Variants in GPRIN3 observed in about 807,000 individuals in gnomAD.
GPRIN3 encodes G protein-regulated inducer of neurite outgrowth 3.
In GPRIN3, 12 loss-of-function variants were observed where a neutral mutation model predicts 13.7. The observed-to-expected ratio is 0.87, with a 90% confidence interval of 0.56 to 1.42. The LOEUF (loss-of-function observed/expected upper bound fraction) is 1.42, where lower values mean the gene tolerates loss of function less well. Ranked by LOEUF, GPRIN3 falls within the 40% of genes most tolerant of loss-of-function variation. The probability of loss-of-function intolerance (pLI) is 0.00; values close to 1 mark genes in which losing one functional copy is unlikely to be tolerated. For missense variants in GPRIN3, 1,009 were observed against 958.7 expected, an observed-to-expected ratio of 1.05 and a Z score of -0.69; for synonymous variants, 377 against 372.7, an observed-to-expected ratio of 1.01 and a Z score of -0.13.
Position 89,244,261 on chromosome 4 carries a change from G to A in GPRIN3, c.*3519C>T, listed in dbSNP as rs938304423. 4 of 151,944 alleles carry A rather than the reference G, an allele frequency of 2.6e-5. No homozygotes were observed. The highest frequency in any genetic ancestry group is 9.7e-5 in the African/African-American group (4 of 41,370). 9.4% of individuals were successfully genotyped at this position (151,944 alleles called of 1,614,324 possible). A position where few individuals can be genotyped will look rare whatever the true frequency, so the allele number is the denominator to read the frequency against. ...TTGGTTCTGAAATCCAACCTCTAAG[G>A]TATATGTTACACATGCATATTTAGT... On this transcript the variant is annotated 3_prime_UTR_variant, in exon 2 of 2. Coordinates refer to ENST00000609438, the MANE Select transcript of GPRIN3 (RefSeq NM_198281.3).
At chr4:89,297,070 G>A (rs7671122) in intron 1 of GPRIN3, among the ~76,000 whole-genome samples, 26,320 of 152,118 alleles carry the variant, frequency 0.17, 2,453 homozygotes, top group Non-Finnish European at 0.19. Flanking sequence ...TTGAACAACT[G>A]AATTCACACA....
intron 1 of GPRIN3, among the ~76,000 whole-genome samples, chr4:89,266,844 T>C (rs927833218): frequency 5.9e-5 from 9 of 152,220 alleles, no homozygotes; most frequent in Admixed American, 5.9e-4. Context: ...ATGATACAAA[T>C]TCAAGTGTTT....
chr4:89,280,226 G>A (rs749562498), intron 1 of GPRIN3, among the ~76,000 whole-genome samples: 1 of 151,940 alleles, frequency 6.6e-6, no homozygotes, highest in African/African-American at 2.4e-5. Context: ...TATAATGTAG[G>A]CTCTATCATT....
At chr4:89,306,946 ATCT>A (rs1430890257) in intron 1 of GPRIN3, among the ~76,000 whole-genome samples, 5 of 151,902 alleles carry the variant, frequency 3.3e-5, no homozygotes, top group Admixed American at 3.3e-4. Context: ...GAGCATGAAG[ATCT>A]TCTGTGTGTG....
rs1723245966 is a variant in GPRIN3 at position 89,249,415 on chromosome 4, C to T, written c.696G>A (p.Met232Ile). Residue 232 changes from methionine to isoleucine, a missense_variant, in exon 2 of 2, where the codon ATG becomes ATA. Physicochemically the swap from Met to Ile is conservative, Grantham distance 10. Coordinates refer to ENST00000609438, the MANE Select transcript of GPRIN3 (RefSeq NM_198281.3). Reference sequence around the variant, plus strand: ...CTCTAGTTAGAGGTTTACAGGACCTCATTTCAGAGTCACAGATGGCTCCCT... The same window carrying T: ...CTCTAGTTAGAGGTTTACAGGACCTTATTTCAGAGTCACAGATGGCTCCCT... ...ERQGAICDSE[M>I]RSCKPLTRES... The T allele has an allele frequency of 1.2e-6, 2 of 1,613,996 alleles. No individual in the cohort carries two copies. The highest frequency in any genetic ancestry group is 2.7e-5 in the African/African-American group (2 of 74,904).
chr4:89,299,254 T>A (rs1280214938), intron 1 of GPRIN3, among the ~76,000 whole-genome samples: 2 of 151,956 alleles, frequency 1.3e-5, no homozygotes, highest in African/African-American at 4.8e-5. Flanking sequence ...CTCTGTTAGT[T>A]TCGATTGGTA....
intron 1 of GPRIN3, among the ~76,000 whole-genome samples, chr4:89,277,844 G>C (rs953114369): frequency 6.6e-6 from 1 of 151,754 alleles, no homozygotes; most frequent in Non-Finnish European, 1.5e-5. Context: ...TGAAATATGC[G>C]GTTCTATTGG....
At chr4:89,305,595 C>T (rs1725011907) in intron 1 of GPRIN3, among the ~76,000 whole-genome samples, 1 of 152,322 alleles carries the variant, frequency 6.6e-6, no homozygotes, top group East Asian at 1.9e-4. Flanking sequence ...CTGAGCCCAA[C>T]ATTTTATAAT....
chr4:89,248,678 T>C lies in GPRIN3; in HGVS notation c.1433A>G (p.Gln478Arg), dbSNP rs1723194174. Residue 478 changes from glutamine (Q) to arginine (R), a missense_variant, in exon 2 of 2, where the codon CAA (glutamine) becomes CGA (arginine). Physicochemically the swap from Gln to Arg is conservative, Grantham distance 43 (BLOSUM62 1). Coordinates refer to ENST00000609438, the MANE Select transcript of GPRIN3 (RefSeq NM_198281.3). ...CCCCAATCCATAACTTGTTTCAGCTTGACTGCATGCACTGATAGAAATCTG... is the reference window on the plus strand; with the variant it reads ...CCCCAATCCATAACTTGTTTCAGCTCGACTGCATGCACTGATAGAAATCTG... ...IDQISISACS[Q>R]AETSYGLGKF... 6 of 1,614,204 alleles carry C rather than the reference T, an allele frequency of 3.7e-6. No homozygotes were observed. The highest frequency in any genetic ancestry group is 2.7e-5 in the African/African-American group (2 of 75,062).
chr4:89,283,303 C>T (rs1454097241), intron 1 of GPRIN3, among the ~76,000 whole-genome samples: 3 of 152,216 alleles, frequency 2.0e-5, no homozygotes, highest in Non-Finnish European at 4.4e-5. Context: ...CAATTCCTGC[C>T]TTCAGAAGCT....
At position 89,248,239 on chromosome 4, in the gene GPRIN3, T is replaced by C. The variant is rs754447272; in HGVS notation, c.1872A>G (p.Pro624=). Residue 624 remains proline (P), a synonymous_variant, in exon 2 of 2, where the codon CCA becomes CCG. Transcript: ENST00000609438. ...DSSPGSGKKT[P]SRSVKASPRR... is the part of the protein sequence containing the mutation. ...GTGGGCTGGCTTTGACGGAGCGAGA[T>C]GGGGTCTTCTTGCCAGAACCTGGGC... The C allele has an allele frequency of 6.8e-6, 11 of 1,614,052 alleles. No homozygotes were observed. In the East Asian group the frequency reaches 8.9e-5, roughly 13 times the overall value.
Position 89,249,530 on chromosome 4 carries a change from G to T in GPRIN3, c.581C>A (p.Thr194Lys), listed in dbSNP as rs1438730529. The change falls in exon 2 of 2, where the codon ACA (threonine) becomes AAA (lysine). Residue 194 changes from threonine (T) to lysine (K), a missense_variant. Transcript: ENST00000609438. ...QVSCEFPSPE[T>K]IQGTVQTPVT... ...TGGAGTCTGCACTGTTCCCTGGATT[G>T]TTTCTGGAGAAGGAAACTCACAGGA... is the stretch of plus-strand genomic sequence containing the variant. 6.2e-7 allele frequency: 1 copy of T among 1,614,146 alleles called. No individual in the cohort carries two copies. The highest frequency in any genetic ancestry group is 8.5e-7 in the Non-Finnish European group (1 of 1,180,014).
At chr4:89,264,173 G>C (rs767603781) in intron 1 of GPRIN3, among the ~76,000 whole-genome samples, 33 of 152,256 alleles carry the variant, frequency 2.2e-4, no homozygotes, top group Admixed American at 7.8e-4. Context: ...TTAGGTCATG[G>C]GGGTGGATTC....
chr4:89,269,861 C>T lies in GPRIN3; in HGVS notation c.-123-19628G>A, dbSNP rs183158700. 2.0e-3 allele frequency among the ~76,000 whole-genome samples: 309 copies of T among 152,220 alleles called. 13 individuals are homozygous for T. In the South Asian group the frequency reaches 0.056, roughly 28 times the overall value. On this transcript the variant is annotated intron_variant, in intron 1 of 1. Coordinates refer to ENST00000609438, the MANE Select transcript of GPRIN3 (RefSeq NM_198281.3). ...AGACTGGAATATTTTCCTGTAACAA[C>T]GGGGTTCCATCACACTAAGCTTTAA...
intron 1 of GPRIN3, among the ~76,000 whole-genome samples, chr4:89,288,455 T>C (rs950919022): frequency 1.3e-5 from 2 of 152,234 alleles, no homozygotes; most frequent in Admixed American, 1.3e-4. Context: ...TAAGTTTGCA[T>C]AAATGCAAAC....
intron 1 of GPRIN3, among the ~76,000 whole-genome samples, chr4:89,296,968 G>A (rs773255551): frequency 1.3e-5 from 2 of 152,088 alleles, no homozygotes; most frequent in South Asian, 2.1e-4. Flanking sequence ...CCATAAAATC[G>A]TACTGAGTCC....
chr4:89,303,261 CA>C (rs1443205333), intron 1 of GPRIN3, among the ~76,000 whole-genome samples: 1 of 152,196 alleles, frequency 6.6e-6, no homozygotes, highest in Non-Finnish European at 1.5e-5. Context: ...TCATGGCTAC[CA>C]AGCGATCTGG....
At chr4:89,256,128 C>T (rs781768465) in intron 1 of GPRIN3, among the ~76,000 whole-genome samples, 20 of 152,056 alleles carry the variant, frequency 1.3e-4, no homozygotes, top group South Asian at 1.3e-3. Context: ...CTAATGGATG[C>T]GAATGCCTGG....
chr4:89,248,646 C>T lies in GPRIN3; in HGVS notation c.1465G>A (p.Glu489Lys). 1 of 1,614,154 alleles carries T rather than the reference C, an allele frequency of 6.2e-7. No homozygotes were observed. Among genetic ancestry groups the T allele is most frequent in the Non-Finnish European group, 8.5e-7 (1 of 1,180,000 alleles). ...TCTGCAAACTCAGATGGCCTGGTTT[C>T]AAATTTCCCCAATCCATAACTTGTT... is the stretch of plus-strand genomic sequence containing the variant. ...AETSYGLGKF[E>K]TRPSEFAEKT... The change falls in exon 2 of 2, where the codon GAA becomes AAA. Residue 489 changes from glutamate to lysine, a missense_variant. By Grantham distance (56) the Glu-to-Lys change is moderately conservative. Transcript: ENST00000609438.
Sources: allele counts gnomAD v4.1 joint callset (sites outside exome capture counted in the v4.1 genomes callset), GRCh38; gene constraint gnomAD v4.1.1; transcripts MANE v1.5; gene names NCBI Gene and HGNC (gene_info 2026-07-23, HGNC 2026-07-21).